Variants in ABCB11 observed in about 807,000 individuals in gnomAD.
The protein encoded by ABCB11 is ATP binding cassette subfamily B member 11.
Under a neutral mutation model 148.0 loss-of-function variants are expected in ABCB11, and 95 were observed. That is an observed-to-expected ratio of 0.64 (90% CI 0.54 to 0.76). The LOEUF is 0.76. Ranked by LOEUF, ABCB11 falls within the 30% of genes least tolerant of loss-of-function variation. The pLI is 0.00. For synonymous variants in ABCB11, 591 were observed against 555.4 expected, an observed-to-expected ratio of 1.06 and a Z score of -0.90; for missense variants, 1,523 against 1,617.8, an observed-to-expected ratio of 0.94 and a Z score of 1.01.
downstream of ABCB11, among the ~76,000 whole-genome samples, chr2:168,916,902 G>A (rs984202670): frequency 1.3e-5 from 2 of 152,120 alleles, no homozygotes; most frequent in Admixed American, 1.3e-4. Context: ...GGAAATATGA[G>A]GTGGGATCCT....
intron 1 of ABCB11, among the ~76,000 whole-genome samples, chr2:169,025,852 C>A (rs977986861): frequency 6.6e-6 from 1 of 152,194 alleles, no homozygotes; most frequent in Non-Finnish European, 1.5e-5. Context: ...CAAGGGTGAA[C>A]ACACTGTCAG....
chr2:169,017,878 C>T (rs573850381), intron 2 of ABCB11, 172 bp downstream of exon 2: 28 of 767,340 alleles, frequency 3.6e-5, no homozygotes, highest in Admixed American at 8.5e-5. Context: ...TCAGATATTA[C>T]GTTACATGGA....
At chr2:168,990,396 C>G (rs562417582) in intron 9 of ABCB11, among the ~76,000 whole-genome samples, 2 of 151,948 alleles carry the variant, frequency 1.3e-5, no homozygotes, top group Admixed American at 6.6e-5. Context: ...AATTTGTTGG[C>G]GTTTGTTTTT....
intron 1 of ABCB11, among the ~76,000 whole-genome samples, chr2:169,022,299 T>C (rs546283660): frequency 2.0e-5 from 3 of 152,092 alleles, no homozygotes; most frequent in Non-Finnish European, 4.4e-5. Flanking sequence ...CAAAAGTTGT[T>C]TTTTGAAAAC....
At chr2:168,924,613 G>T in intron 27 of ABCB11, 44 bp downstream of exon 27, 2 of 1,582,348 alleles carry the variant, frequency 1.3e-6, no homozygotes, top group Non-Finnish European at 1.7e-6. Flanking sequence ...TACAGCAAAA[G>T]ACTTATTTGT....
chr2:168,934,596 T>G (rs1193723943), intron 23 of ABCB11, among the ~76,000 whole-genome samples: 1 of 152,200 alleles, frequency 6.6e-6, no homozygotes, highest in Non-Finnish European at 1.5e-5. Flanking sequence ...GAGTCAGCCC[T>G]CTTTGCAAGA....
intron 7 of ABCB11, among the ~76,000 whole-genome samples, chr2:168,995,026 G>C (rs1694668771): frequency 6.6e-6 from 1 of 151,952 alleles, no homozygotes; most frequent in Non-Finnish European, 1.5e-5. Context: ...GGCTGTTAAT[G>C]ACCTAAACTA....
At chr2:168,964,691 G>A (rs1693223413) in intron 17 of ABCB11, among the ~76,000 whole-genome samples, 1 of 151,744 alleles carries the variant, frequency 6.6e-6, no homozygotes, top group African/African-American at 2.4e-5. Flanking sequence ...CTTTCCTTCT[G>A]GCTTAGATTG....
chr2:168,986,003 T>C (rs931289421), intron 10 of ABCB11, 107 bp downstream of exon 10: 1 of 925,104 alleles, frequency 1.1e-6, no homozygotes, highest in Non-Finnish European at 1.5e-6. Context: ...AAATCATTGA[T>C]GCTTTTTTCC....
chr2:168,965,147 G>T (rs535443287), intron 17 of ABCB11, among the ~76,000 whole-genome samples: 5 of 151,942 alleles, frequency 3.3e-5, no homozygotes, highest in Admixed American at 3.3e-4. Context: ...GGCTAAGGTA[G>T]GATATGGGGA....
intron 5 of ABCB11, among the ~76,000 whole-genome samples, chr2:169,012,012 C>T (rs536471900): frequency 2.0e-5 from 3 of 151,948 alleles, no homozygotes; most frequent in African/African-American, 7.2e-5. Context: ...TTCATGAGTT[C>T]CTGGTATATT....
At chr2:168,918,433 G>A (rs2105867028), downstream of ABCB11, among the ~76,000 whole-genome samples, 1 of 152,290 alleles carries the variant, frequency 6.6e-6, no homozygotes, top group East Asian at 1.9e-4. Flanking sequence ...ATGCATACAA[G>A]TATGTACAAG....
At chr2:168,990,780 A>C (rs773694277) in intron 9 of ABCB11, 21 bp downstream of exon 9, 1 of 1,612,014 alleles carries the variant, frequency 6.2e-7, no homozygotes, top group Non-Finnish European at 8.5e-7. Context: ...TAAGGAAAGA[A>C]TCAGATTCCA....
intron 2 of ABCB11, 90 bp downstream of exon 2, chr2:169,017,960 T>A: frequency 9.1e-7 from 1 of 1,099,834 alleles, no homozygotes; most frequent in East Asian, 2.4e-5. Context: ...TTGCTGATTT[T>A]TTTCTGCTCC....
At chr2:168,947,770 G>A (rs1034862080) in intron 19 of ABCB11, among the ~76,000 whole-genome samples, 1 of 151,736 alleles carries the variant, frequency 6.6e-6, no homozygotes, top group East Asian at 2.0e-4. Flanking sequence ...CAAGAACGAC[G>A]AGTAGACTTT....
intron 9 of ABCB11, among the ~76,000 whole-genome samples, chr2:168,986,890 C>T (rs1259925559): frequency 6.6e-6 from 1 of 152,110 alleles, no homozygotes; most frequent in African/African-American, 2.4e-5. Context: ...TGGGCTTTGT[C>T]TCATATATAG....
At chr2:168,946,692 C>G (rs1365222247) in intron 19 of ABCB11, among the ~76,000 whole-genome samples, 1 of 151,726 alleles carries the variant, frequency 6.6e-6, no homozygotes, top group Admixed American at 6.6e-5. Flanking sequence ...GTCTATAGAA[C>G]AGCAGATTTT....
At chr2:168,946,959 C>CT (rs1692351160) in intron 19 of ABCB11, among the ~76,000 whole-genome samples, 3 of 151,874 alleles carry the variant, frequency 2.0e-5, no homozygotes, top group South Asian at 2.1e-4. Context: ...TATCCATAAT[C>CT]TTTTTTCACA....
chr2:169,001,829 A>G (rs2106025575), intron 5 of ABCB11, among the ~76,000 whole-genome samples: 1 of 152,296 alleles, frequency 6.6e-6, no homozygotes, highest in African/African-American at 2.4e-5. Context: ...CATATCAGGC[A>G]TAAGATACCC....
Sources: gnomAD v4.1 joint callset for allele counts (sites outside exome capture counted in the v4.1 genomes callset) on GRCh38, gnomAD v4.1.1 for gene constraint, MANE v1.5 for transcripts, NCBI Gene and HGNC (gene_info 2026-07-23, HGNC 2026-07-21) for gene names.